ACVR1: variants seen among roughly 807,000 people sequenced by gnomAD.
ACVR1 encodes activin A receptor type 1.
A neutral mutation model predicts 57.1 loss-of-function variants in ACVR1; 38 were observed. That is an observed-to-expected ratio of 0.67 (90% CI 0.51 to 0.87). ACVR1 has a LOEUF of 0.87. Ranked by LOEUF, ACVR1 falls within the 40% of genes least tolerant of loss-of-function variation. The pLI is 0.00. For synonymous variants in ACVR1, 212 were observed against 228.1 expected, an observed-to-expected ratio of 0.93 and a Z score of 0.63; for missense variants, 463 against 638.2, an observed-to-expected ratio of 0.73 and a Z score of 2.96.
chr2:157,754,621 T>C (rs949547901), intron 9 of ACVR1, among the ~76,000 whole-genome samples: 1 of 151,742 alleles, frequency 6.6e-6, no homozygotes, highest in Non-Finnish European at 1.5e-5. Context: ...ATTTAAAAAA[T>C]TACCAATGAA....
intron 1 of ACVR1, among the ~76,000 whole-genome samples, chr2:157,843,698 C>T (rs971893796): frequency 4.6e-5 from 7 of 152,106 alleles, no homozygotes; most frequent in African/African-American, 1.7e-4. Flanking sequence ...TTAACATGTA[C>T]CTTCTAGGCC....
chr2:157,827,023 A>C (rs1284190514), intron 1 of ACVR1, among the ~76,000 whole-genome samples: 1 of 150,902 alleles, frequency 6.6e-6, no homozygotes, highest in African/African-American at 2.4e-5. Context: ...AAGAAAAAGA[A>C]ACTTCTCTAT....
In ACVR1 at chr2:157,831,158, T is replaced by C. The variant is rs147584440; in HGVS notation, c.-182-12599A>G. ...CATTTTCTCAGCCCCAGACTGTTTA[T>C]ATCACACTGGGAAGAAAAGACAAAT... On this transcript the variant is annotated intron_variant, in intron 1 of 10. Coordinates refer to ENST00000434821, the MANE Select transcript of ACVR1 (RefSeq NM_001111067.4). 6.4e-3 allele frequency among the ~76,000 whole-genome samples: 981 copies of C among 152,344 alleles called. 7 individuals carry two copies. The highest frequency in any genetic ancestry group is 0.011 in the Non-Finnish European group (747 of 68,036).
In ACVR1 at chr2:157,791,655, C is replaced by A. The variant is rs750966773; in HGVS notation, c.67+7772G>T. On this transcript the variant is annotated intron_variant, in intron 3 of 10. Coordinates refer to ENST00000434821, the MANE Select transcript of ACVR1 (RefSeq NM_001111067.4). The stretch of plus-strand genomic sequence containing the variant: ...GCACAGAGAGGCGAAGGAGAATATA[C>A]GCAAAGACATAGTGAAACAGAGGAT... Among the ~76,000 whole-genome samples, 5 of 152,284 alleles carry A rather than the reference C, an allele frequency of 3.3e-5. No individual in the cohort carries two copies. In the South Asian group the frequency reaches 8.3e-4, roughly 25 times the overall value.
intron 3 of ACVR1, among the ~76,000 whole-genome samples, chr2:157,791,530 T>C (rs1044284044): frequency 1.3e-5 from 2 of 152,196 alleles, no homozygotes; most frequent in African/African-American, 2.4e-5. Flanking sequence ...CCTCTCACGC[T>C]CTAGGGCTCA....
intron 9 of ACVR1, among the ~76,000 whole-genome samples, chr2:157,740,095 G>C (rs1684694543): frequency 1.3e-5 from 2 of 151,590 alleles, no homozygotes; most frequent in Admixed American, 1.3e-4. Context: ...TGAGGCACAA[G>C]ATTTGCTTGA....
intron 1 of ACVR1, among the ~76,000 whole-genome samples, chr2:157,865,751 C>T (rs941869714): frequency 5.4e-5 from 8 of 147,336 alleles, no homozygotes; most frequent in African/African-American, 1.5e-4. Context: ...GCCGATATCG[C>T]GCCACTGCAC....
chr2:157,758,844 C>A (rs1685529712), intron 9 of ACVR1, among the ~76,000 whole-genome samples: 1 of 151,966 alleles, frequency 6.6e-6, no homozygotes. Flanking sequence ...AAGAGAAACT[C>A]TGGAAACTGT....
intron 2 of ACVR1, among the ~76,000 whole-genome samples, chr2:157,816,957 C>T (rs890387102): frequency 2.8e-4 from 42 of 151,856 alleles, no homozygotes; most frequent in African/African-American, 9.7e-4. Context: ...TCCTGGATAG[C>T]GAGACATTTT....
intron 3 of ACVR1, among the ~76,000 whole-genome samples, chr2:157,792,607 G>A (rs1686959903): frequency 6.6e-6 from 1 of 152,202 alleles, no homozygotes; most frequent in Non-Finnish European, 1.5e-5. Flanking sequence ...GACTGGTGTT[G>A]TCTTTTTTAA....
At chr2:157,834,903 T>C (rs1688724944) in intron 1 of ACVR1, among the ~76,000 whole-genome samples, 1 of 152,156 alleles carries the variant, frequency 6.6e-6, no homozygotes, top group Non-Finnish European at 1.5e-5. Flanking sequence ...TTCCACCATG[T>C]GAAGACAGAG....
chr2:157,790,094 A>G (rs1001919207), intron 3 of ACVR1: 1 of 152,132 alleles, frequency 6.6e-6, no homozygotes, highest in Non-Finnish European at 1.5e-5. Flanking sequence ...AGTTCCCAAG[A>G]TCTTCCTCAG....
intron 8 of ACVR1, among the ~76,000 whole-genome samples, chr2:157,761,967 A>G (rs941866505): frequency 6.6e-6 from 1 of 152,190 alleles, no homozygotes; most frequent in Non-Finnish European, 1.5e-5. Flanking sequence ...AGAATGCTTC[A>G]CCTTCCACTC....
intron 1 of ACVR1, among the ~76,000 whole-genome samples, chr2:157,835,197 C>T (rs1688737390): frequency 6.6e-6 from 1 of 152,106 alleles, no homozygotes; most frequent in Admixed American, 6.5e-5. Flanking sequence ...AACCACTATG[C>T]CCCCTTCCTC....
intron 1 of ACVR1, among the ~76,000 whole-genome samples, chr2:157,833,166 T>C (rs1688647755): frequency 6.6e-6 from 1 of 152,206 alleles, no homozygotes; most frequent in Non-Finnish European, 1.5e-5. Flanking sequence ...GTAGAGGTGA[T>C]ACTACAGCCA....
At chr2:157,854,199 T>TAAAAAAAA (rs398060692) in intron 1 of ACVR1, among the ~76,000 whole-genome samples, 3 of 118,506 alleles carry the variant, frequency 2.5e-5, no homozygotes, top group African/African-American at 5.9e-5. Context: ...CCTAAAGGAG[T>TAAAAAAAA]AAAAAAAAAA....
chr2:157,751,574 C>A (rs540546626), intron 9 of ACVR1, among the ~76,000 whole-genome samples: 48 of 152,324 alleles, frequency 3.2e-4, no homozygotes, highest in African/African-American at 1.1e-3. Context: ...GCCCTGCTGG[C>A]CCACTGCCTG....
chr2:157,855,170 CT>C, intron 1 of ACVR1, among the ~76,000 whole-genome samples: 2 of 150,602 alleles, frequency 1.3e-5, no homozygotes, highest in South Asian at 4.2e-4. Context: ...AATCTCAGCT[CT>C]TTGGGAGGCC....
chr2:157,857,685 C>G (rs1020974919), intron 1 of ACVR1, among the ~76,000 whole-genome samples: 1 of 152,156 alleles, frequency 6.6e-6, no homozygotes, highest in African/African-American at 2.4e-5. Flanking sequence ...CACATATAGA[C>G]AAAGGCTGAA....
Sources: allele counts gnomAD v4.1 joint callset (sites outside exome capture counted in the v4.1 genomes callset), GRCh38; gene constraint gnomAD v4.1.1; transcripts MANE v1.5; gene names NCBI Gene and HGNC (gene_info 2026-07-23, HGNC 2026-07-21).